The following SPAG16 variants were observed in gnomAD, a reference collection of about 807,000 sequenced individuals.
SPAG16 encodes sperm associated antigen 16.
A neutral mutation model predicts 80.4 loss-of-function variants in SPAG16; 86 were observed. The observed-to-expected ratio is 1.07, with a 90% CI of 0.90 to 1.28. The LOEUF is 1.28. Ranked by LOEUF, SPAG16 falls within the 50% of genes most tolerant of loss-of-function variation. The pLI, the probability that SPAG16 is intolerant of heterozygous loss-of-function variation, is 0.00. For missense variants in SPAG16, 870 were observed against 765.3 expected, an observed-to-expected ratio of 1.14 and a Z score of -1.61; for synonymous variants, 294 against 265.9, an observed-to-expected ratio of 1.11 and a Z score of -1.03.
At chr2:213,978,964 C>G (rs537436290) in intron 12 of SPAG16, among the ~76,000 whole-genome samples, 1 of 149,188 alleles carries the variant, frequency 6.7e-6, no homozygotes, top group Non-Finnish European at 1.5e-5. Flanking sequence ...GAAGTAATAA[C>G]AGAGAGAGAG....
intron 12 of SPAG16, among the ~76,000 whole-genome samples, chr2:213,968,618 T>C (rs2044849023): frequency 6.6e-6 from 1 of 152,238 alleles, no homozygotes; most frequent in African/African-American, 2.4e-5. Context: ...CTAGACTTTT[T>C]TATTTCAGTT....
intron 7 of SPAG16, among the ~76,000 whole-genome samples, chr2:213,363,159 T>C (rs2066081257): frequency 6.6e-6 from 1 of 152,144 alleles, no homozygotes; most frequent in Non-Finnish European, 1.5e-5. Flanking sequence ...GAAAAATGTA[T>C]CATTACAATG....
At chr2:213,775,175 A>G (rs557778282) in intron 10 of SPAG16, among the ~76,000 whole-genome samples, 1 of 152,092 alleles carries the variant, frequency 6.6e-6, no homozygotes, top group South Asian at 2.1e-4. Flanking sequence ...AATGCCTTAC[A>G]TTTTAGATTT....
At chr2:214,236,268 C>T (rs1259865049) in intron 15 of SPAG16, among the ~76,000 whole-genome samples, 3 of 152,088 alleles carry the variant, frequency 2.0e-5, no homozygotes, top group African/African-American at 7.2e-5. Context: ...GTTTAAGCTG[C>T]TCAAGTTTAA....
At chr2:214,225,234 C>T (rs1375153979) in intron 15 of SPAG16, among the ~76,000 whole-genome samples, 2 of 152,080 alleles carry the variant, frequency 1.3e-5, no homozygotes, top group Non-Finnish European at 2.9e-5. Flanking sequence ...GGAGATGGAG[C>T]CAAATATTGT....
At chr2:213,379,355 G>A (rs1385138401) in intron 9 of SPAG16, among the ~76,000 whole-genome samples, 1 of 152,186 alleles carries the variant, frequency 6.6e-6, no homozygotes, top group African/African-American at 2.4e-5. Context: ...CACCTAGTTC[G>A]TGTTGTAATT....
At chr2:214,111,313 T>A (rs1373731314) in intron 14 of SPAG16, among the ~76,000 whole-genome samples, 3 of 152,198 alleles carry the variant, frequency 2.0e-5, no homozygotes, top group African/African-American at 7.2e-5. Flanking sequence ...TTGTATAAGG[T>A]GTGAGGAAAG....
intron 10 of SPAG16, among the ~76,000 whole-genome samples, chr2:213,566,950 A>G (rs891397139): frequency 1.3e-5 from 2 of 152,328 alleles, no homozygotes; most frequent in African/African-American, 2.4e-5. Flanking sequence ...TAATTTTCTT[A>G]TCAAACTATT....
At chr2:213,437,962 T>G (rs921412111) in intron 9 of SPAG16, among the ~76,000 whole-genome samples, 2 of 152,216 alleles carry the variant, frequency 1.3e-5, no homozygotes, top group African/African-American at 4.8e-5. Flanking sequence ...TAGTTTTAGC[T>G]AAAAGATGGA....
intron 5 of SPAG16, among the ~76,000 whole-genome samples, chr2:213,318,698 C>T (rs1235203651): frequency 6.6e-6 from 1 of 151,858 alleles, no homozygotes; most frequent in East Asian, 1.9e-4. Context: ...CAGGGCCAAC[C>T]ACTTACCATT....
At chr2:214,175,332 GAAATATATA>G (rs2057041192) in intron 15 of SPAG16, among the ~76,000 whole-genome samples, 2 of 105,476 alleles carry the variant, frequency 1.9e-5, no homozygotes, top group Non-Finnish European at 2.3e-5. Context: ...TATATATAAA[GAAATATATA>G]TATATGAATC....
At chr2:213,686,155 G>T (rs1196052768) in intron 10 of SPAG16, among the ~76,000 whole-genome samples, 1 of 152,100 alleles carries the variant, frequency 6.6e-6, no homozygotes, top group African/African-American at 2.4e-5. Flanking sequence ...GTCTTGCTTT[G>T]TTGCCTAGCC....
At chr2:213,636,387 GC>G (rs980591654) in intron 10 of SPAG16, among the ~76,000 whole-genome samples, 5 of 152,018 alleles carry the variant, frequency 3.3e-5, no homozygotes, top group East Asian at 1.9e-4. Flanking sequence ...GTAATATTAT[GC>G]CCCCAGATTT....
At chr2:213,447,972 C>T (rs572548079) in intron 9 of SPAG16, among the ~76,000 whole-genome samples, 2 of 152,300 alleles carry the variant, frequency 1.3e-5, no homozygotes, top group African/African-American at 4.8e-5. Context: ...ACTTTAATTG[C>T]TGTGATCATG....
intron 11 of SPAG16, among the ~76,000 whole-genome samples, chr2:213,910,184 C>G (rs2077604088): frequency 6.6e-6 from 1 of 152,048 alleles, no homozygotes; most frequent in Non-Finnish European, 1.5e-5. Flanking sequence ...TTTATGAATT[C>G]AAATAGTTCT....
chr2:213,653,841 T>C (rs532796050), intron 10 of SPAG16, among the ~76,000 whole-genome samples: 1 of 152,300 alleles, frequency 6.6e-6, no homozygotes, highest in South Asian at 2.1e-4. Flanking sequence ...ATATTCTATA[T>C]ATAAAACATA....
chr2:214,036,349 A>C (rs990032132), intron 13 of SPAG16, among the ~76,000 whole-genome samples: 16 of 152,182 alleles, frequency 1.1e-4, no homozygotes, highest in Non-Finnish European at 4.4e-5. Flanking sequence ...CACTGGAGTC[A>C]GCCATTTCTT....
intron 10 of SPAG16, among the ~76,000 whole-genome samples, chr2:213,752,620 T>A (rs1210882209): frequency 6.6e-6 from 1 of 152,278 alleles, no homozygotes; most frequent in East Asian, 1.9e-4. Flanking sequence ...CACTTTCTTT[T>A]ACTGACATTC....
chr2:214,166,165 A>G (rs2056645498), intron 15 of SPAG16, among the ~76,000 whole-genome samples: 1 of 152,194 alleles, frequency 6.6e-6, no homozygotes. Context: ...GCAGTGGAAA[A>G]ATGGGATATA....
Sources: gnomAD v4.1 joint callset for allele counts (sites outside exome capture counted in the v4.1 genomes callset) on GRCh38, gnomAD v4.1.1 for gene constraint, MANE v1.5 for transcripts, NCBI Gene and HGNC (gene_info 2026-07-23, HGNC 2026-07-21) for gene names.